The following SLC25A51 variants were observed in gnomAD, a reference collection of about 807,000 sequenced individuals.
SLC25A51 encodes mitochondrial nicotinamide adenine dinucleotide transporter SLC25A51.
In SLC25A51, 11 loss-of-function variants were observed where a neutral mutation model predicts 19.1. That is an observed-to-expected ratio of 0.58 (90% confidence interval 0.36 to 0.96). The LOEUF is 0.96. Among genes scored for constraint, SLC25A51 ranks in the 40% least tolerant of loss-of-function variants. The pLI, the probability that SLC25A51 is intolerant of heterozygous loss-of-function variation, is 0.01. For missense variants in SLC25A51, 201 were observed against 365.4 expected (o/e 0.55, Z 3.67); for synonymous variants, 105 against 133.6 (o/e 0.79, Z 1.47).
In SLC25A51 at chr9:37,887,627, T is replaced by C; in HGVS notation, c.*30A>G. 6.3e-7 allele frequency: 1 copy of C among 1,583,234 alleles called. No homozygotes were observed. The highest frequency in any genetic ancestry group is 8.6e-7 in the Non-Finnish European group (1 of 1,167,540). The stretch of plus-strand genomic sequence containing the variant: ...CATTCTTCTTAGAAGGTCTATTCAG[T>C]TGATAAATGGCACTTAACTGATGGT... On this transcript the variant is annotated 3_prime_UTR_variant, in exon 3 of 3. Coordinates refer to ENST00000242275, the MANE Select transcript of SLC25A51 (RefSeq NM_033412.4).
intron 1 of SLC25A51, among the ~76,000 whole-genome samples, chr9:37,902,376 G>T (rs557018202): frequency 6.6e-6 from 1 of 152,292 alleles, no homozygotes; most frequent in East Asian, 1.9e-4. Context: ...GAACATTACT[G>T]TACATTGAGA....
chr9:37,887,681 A>G lies in SLC25A51; in HGVS notation c.870T>C (p.Tyr290=), dbSNP rs1201539831. 10 of 1,611,896 alleles carry G rather than the reference A, an allele frequency of 6.2e-6. No individual in the cohort carries two copies. The highest frequency in any genetic ancestry group is 1.3e-5 in the African/African-American group (1 of 74,812). Residue 290 remains tyrosine (Y), a synonymous_variant, in exon 3 of 3, where the codon TAT becomes TAC. Transcript: ENST00000242275. ...TTCATATAACCTTTAACAAGAACTCATAAGTTGCATTGATTATGCCCCAAG... is the reference window on the plus strand; with the variant it reads ...TTCATATAACCTTTAACAAGAACTCGTAAGTTGCATTGATTATGCCCCAAG... ...LISWGIINAT[Y]EFLLKVI
chr9:37,882,168 CAAG>C (rs1831360786), intron 2 of SLC25A51, among the ~76,000 whole-genome samples: 1 of 152,218 alleles, frequency 6.6e-6, no homozygotes, highest in Admixed American at 6.5e-5. Context: ...AATACCTGTT[CAAG>C]TCTTTGATAT....
intron 2 of SLC25A51, among the ~76,000 whole-genome samples, chr9:37,896,123 C>A (rs558193768): frequency 6.6e-6 from 1 of 152,096 alleles, no homozygotes; most frequent in Non-Finnish European, 1.5e-5. Context: ...TGAATTATCA[C>A]GTATACTGTA....
intron 2 of SLC25A51, among the ~76,000 whole-genome samples, chr9:37,891,290 C>A (rs1831578239): frequency 6.6e-6 from 1 of 152,224 alleles, no homozygotes; most frequent in South Asian, 2.1e-4. Context: ...GGAGGCGCCT[C>A]TGCCCGGCAG....
At chr9:37,888,640 A>T in intron 2 of SLC25A51, 48 bp from the exon 3 acceptor site, 1 of 1,410,240 alleles carries the variant, frequency 7.1e-7, no homozygotes, top group Non-Finnish European at 9.6e-7. Context: ...TAGAGAGCTA[A>T]ACACATGGGC....
At chr9:37,884,367 G>A (rs1368315612), downstream of SLC25A51, among the ~76,000 whole-genome samples, 1 of 152,158 alleles carries the variant, frequency 6.6e-6, no homozygotes, top group African/African-American at 2.4e-5. Flanking sequence ...CCCTTCAAAT[G>A]TCTTTATTTA....
At chr9:37,893,174 A>G (rs1831637499) in intron 2 of SLC25A51, among the ~76,000 whole-genome samples, 1 of 152,224 alleles carries the variant, frequency 6.6e-6, no homozygotes. Context: ...CACTGTGCCC[A>G]GCCAAATTTT....
exon 4 of SLC25A51, chr9:37,880,494 T>C (rs1229826695): frequency 6.6e-6 from 1 of 152,176 alleles, no homozygotes; most frequent in Non-Finnish European, 1.5e-5. Flanking sequence ...CTCACGCCTA[T>C]AATCCCAGCA....
chr9:37,897,236 T>C (rs1254328379), intron 2 of SLC25A51, among the ~76,000 whole-genome samples: 1 of 152,064 alleles, frequency 6.6e-6, no homozygotes. Flanking sequence ...TTTTTTTCTT[T>C]TTGAGATGGG....
chr9:37,886,285 G>C (rs1027636113), downstream of SLC25A51: 1 of 1,613,770 alleles, frequency 6.2e-7, no homozygotes, highest in Non-Finnish European at 8.5e-7. Flanking sequence ...AGCTATACCA[G>C]CGGGCCAAGA....
chr9:37,888,263 T>C lies in SLC25A51; in HGVS notation c.288A>G (p.Ala96=), dbSNP rs764528839. ...PPLMQKTTTL[A]LMFGLYEDLS... ...AATCCTCATACAGACCAAACATAAGTGCAAGCGTAGTTGTCTTCTGCATCA... is the reference window on the plus strand; with the variant it reads ...AATCCTCATACAGACCAAACATAAGCGCAAGCGTAGTTGTCTTCTGCATCA... The change falls in exon 3 of 3, where the codon GCA becomes GCG. Residue 96 remains alanine (A), a synonymous_variant. Transcript: ENST00000242275. The C allele has an allele frequency of 4.3e-6, 7 of 1,614,206 alleles. No homozygotes were observed. Among genetic ancestry groups the C allele is most frequent in the South Asian group, 3.3e-5 (3 of 91,078 alleles).
Position 37,891,530 on chromosome 9 carries a change from G to A in SLC25A51, c.-42-2938C>T, listed in dbSNP as rs1382918633. 3.9e-5 allele frequency among the ~76,000 whole-genome samples: 6 copies of A among 152,158 alleles called. No individual in the cohort carries two copies. In the East Asian group the frequency reaches 9.6e-4, roughly 24 times the overall value. The stretch of plus-strand genomic sequence containing the variant: ...GTACTAAGAAAAATTCTTCTGCCTT[G>A]GGATGCTGTTGATCTATGACCTTAC... On this transcript the variant is annotated intron_variant, in intron 2 of 2. Transcript: ENST00000242275.
chr9:37,892,555 C>T (rs1404166026), intron 2 of SLC25A51, among the ~76,000 whole-genome samples: 3 of 151,670 alleles, frequency 2.0e-5, no homozygotes, highest in South Asian at 4.1e-4. Context: ...TACAATACTA[C>T]ATTATATATA....
Position 37,887,954 on chromosome 9 carries a change from C to G in SLC25A51, c.597G>C (p.Glu199Asp), listed in dbSNP as rs1184766570. 2 of 1,611,904 alleles carry G rather than the reference C, an allele frequency of 1.2e-6. No homozygotes were observed. Among genetic ancestry groups the G allele is most frequent in the South Asian group, 1.1e-5 (1 of 90,988 alleles). ...TGTGAGTCGTTGCGGTAGGCAGATG[C>G]TCCTTAATGGGACCTCGAAGGCCGA... ...LFFGLRGPIK[E>D]HLPTATTHSA... The change falls in exon 3 of 3, where the codon GAG becomes GAC. Residue 199 changes from glutamate (E) to aspartate (D), a missense_variant. By Grantham distance (45) the Glu-to-Asp change is conservative (BLOSUM62 2). Coordinates refer to ENST00000242275, the MANE Select transcript of SLC25A51 (RefSeq NM_033412.4).
At position 37,888,529 on chromosome 9, in the gene SLC25A51, C is replaced by T. The variant is rs368075157; in HGVS notation, c.22G>A (p.Glu8Lys). The change falls in exon 3 of 3, where the codon GAA becomes AAA. Residue 8 changes from glutamate to lysine, a missense_variant. Transcript: ENST00000242275. MMDSEAH[E>K]KRPPILTSSK... ...GATGTTAGTATTGGTGGCCTCTTTTCATGAGCTTCTGAATCCATCATGCTG... is the reference window on the plus strand; with the variant it reads ...GATGTTAGTATTGGTGGCCTCTTTTTATGAGCTTCTGAATCCATCATGCTG... The T allele has an allele frequency of 1.2e-5, 20 of 1,608,988 alleles. No homozygotes were observed. The highest frequency in any genetic ancestry group is 4.0e-5 in the African/African-American group (3 of 74,612).
downstream of SLC25A51, chr9:37,886,218 G>A (rs138751486): frequency 1.2e-4 from 195 of 1,576,930 alleles, 1 homozygote; most frequent in African/African-American, 1.6e-3. Context: ...AAGAAAGGAC[G>A]GGCTGTCTCA....
At position 37,900,182 on chromosome 9, in the gene SLC25A51, C is replaced by T. The variant is rs563877185; in HGVS notation, c.-164-232G>A. 5.3e-5 allele frequency among the ~76,000 whole-genome samples: 8 copies of T among 151,186 alleles called. No individual in the cohort carries two copies. The East Asian group carries it at 1.6e-3, about 30-fold the overall frequency. On this transcript the variant is annotated intron_variant, in intron 1 of 2. Transcript: ENST00000242275. The stretch of plus-strand genomic sequence containing the variant: ...AGGATCTTGGCCAGGTGTGGTGGCT[C>T]ACGCCTGTAATCCCATCACTTTGGG...
chr9:37,885,364 A>AAC (rs1333621767), downstream of SLC25A51, among the ~76,000 whole-genome samples: 1 of 151,606 alleles, frequency 6.6e-6, no homozygotes, highest in Non-Finnish European at 1.5e-5. Flanking sequence ...AAAAAAAAAA[A>AAC]AAAACCTTGT....
Sources: gnomAD v4.1 joint callset for allele counts (sites outside exome capture counted in the v4.1 genomes callset) on GRCh38, gnomAD v4.1.1 for gene constraint, MANE v1.5 for transcripts, NCBI Gene and HGNC (gene_info 2026-07-23, HGNC 2026-07-21) for gene names.